The following OPCML variants were observed in gnomAD, a reference collection of about 807,000 sequenced individuals.
OPCML encodes opioid-binding protein/cell adhesion molecule.
Under a neutral mutation model 37.8 loss-of-function variants are expected in OPCML, and 13 were observed. The ratio of observed to expected loss-of-function variants is 0.34; its 90% confidence interval spans 0.22 to 0.55. The LOEUF is 0.55. Among genes scored for constraint, OPCML ranks in the 20% least tolerant of loss-of-function variants. OPCML has a pLI of 0.91. For synonymous variants in OPCML, 176 were observed against 168.8 expected (o/e 1.04, Z -0.33); for missense variants, 341 against 435.6 (o/e 0.78, Z 1.93).
intron 1 of OPCML, among the ~76,000 whole-genome samples, chr11:133,329,415 G>A (rs762659531): frequency 3.9e-5 from 6 of 152,076 alleles, no homozygotes; most frequent in East Asian, 3.9e-4. Context: ...GAGGCATCAC[G>A]CTACCTGACT....
At chr11:132,559,224 C>T (rs775097207) in intron 3 of OPCML, among the ~76,000 whole-genome samples, 3 of 151,972 alleles carry the variant, frequency 2.0e-5, no homozygotes, top group East Asian at 1.9e-4. Flanking sequence ...GCAGCATTCT[C>T]GGTCTCCCAC....
At chr11:133,241,009 C>T (rs1216738267) in intron 1 of OPCML, among the ~76,000 whole-genome samples, 1 of 152,190 alleles carries the variant, frequency 6.6e-6, no homozygotes, top group African/African-American at 2.4e-5. Flanking sequence ...ATCTTACTCG[C>T]CCTTAAAGAA....
chr11:132,790,205 T>C (rs1042266828), intron 2 of OPCML, among the ~76,000 whole-genome samples: 4 of 152,098 alleles, frequency 2.6e-5, no homozygotes, highest in African/African-American at 4.8e-5. Context: ...CATCAACAGA[T>C]GAAGAGATAA....
At chr11:132,620,375 G>T (rs1200356296) in intron 3 of OPCML, among the ~76,000 whole-genome samples, 2 of 152,194 alleles carry the variant, frequency 1.3e-5, no homozygotes, top group African/African-American at 4.8e-5. Context: ...TGGTAATATT[G>T]ATCAAGCCTA....
chr11:132,557,234 T>C (rs1331181386), intron 3 of OPCML, among the ~76,000 whole-genome samples: 1 of 152,142 alleles, frequency 6.6e-6, no homozygotes, highest in Non-Finnish European at 1.5e-5. Flanking sequence ...CAGAAACCAA[T>C]TTAGATTCTG....
chr11:132,539,033 A>G (rs2137353874), intron 3 of OPCML, among the ~76,000 whole-genome samples: 2 of 152,334 alleles, frequency 1.3e-5, no homozygotes, highest in South Asian at 4.1e-4. Flanking sequence ...ACGATGTAAT[A>G]TATTCATTGA....
At chr11:133,487,919 T>C (rs1379878097) in intron 1 of OPCML, among the ~76,000 whole-genome samples, 1 of 152,042 alleles carries the variant, frequency 6.6e-6, no homozygotes, top group Non-Finnish European at 1.5e-5. Context: ...AAAAAGATAA[T>C]GCACCATCAT....
chr11:132,654,771 G>A (rs1475202192), intron 3 of OPCML, among the ~76,000 whole-genome samples: 1 of 152,026 alleles, frequency 6.6e-6, no homozygotes, highest in Non-Finnish European at 1.5e-5. Context: ...CTCCCCAAGA[G>A]AACATCATCC....
intron 1 of OPCML, among the ~76,000 whole-genome samples, chr11:133,073,607 T>C (rs1050632881): frequency 3.3e-5 from 5 of 152,324 alleles, no homozygotes; most frequent in South Asian, 4.1e-4. Context: ...CAGCTCCATT[T>C]ACCCCTGAGT....
At chr11:132,696,323 T>C (rs1943597216) in intron 2 of OPCML, among the ~76,000 whole-genome samples, 1 of 152,182 alleles carries the variant, frequency 6.6e-6, no homozygotes, top group South Asian at 2.1e-4. Context: ...ACCCTAGCTA[T>C]GATGAAATCC....
chr11:133,051,367 A>G (rs1948127982), intron 1 of OPCML, among the ~76,000 whole-genome samples: 1 of 152,146 alleles, frequency 6.6e-6, no homozygotes. Flanking sequence ...CCCAACCGAA[A>G]AAAGGAAGAG....
At chr11:132,871,566 A>G (rs1386240611) in intron 2 of OPCML, among the ~76,000 whole-genome samples, 1 of 152,196 alleles carries the variant, frequency 6.6e-6, no homozygotes, top group Non-Finnish European at 1.5e-5. Flanking sequence ...AGGTCCTGGA[A>G]CCAATCCCCA....
At chr11:133,474,574 A>G (rs1424680708) in intron 1 of OPCML, among the ~76,000 whole-genome samples, 1 of 152,182 alleles carries the variant, frequency 6.6e-6, no homozygotes, top group Non-Finnish European at 1.5e-5. Flanking sequence ...CTGTGGAAGC[A>G]CAGAAAAGGC....
chr11:132,994,972 C>T (rs1376941416), intron 1 of OPCML, among the ~76,000 whole-genome samples: 1 of 152,150 alleles, frequency 6.6e-6, no homozygotes, highest in Non-Finnish European at 1.5e-5. Context: ...TCTAAAAGGA[C>T]GAATAACTCC....
intron 1 of OPCML, among the ~76,000 whole-genome samples, chr11:133,242,464 G>T (rs1210756383): frequency 1.3e-5 from 2 of 152,134 alleles, no homozygotes; most frequent in Non-Finnish European, 2.9e-5. Context: ...CTGAGATCCA[G>T]GTATCCATGG....
At chr11:132,997,188 C>T (rs1350528577) in intron 1 of OPCML, among the ~76,000 whole-genome samples, 2 of 152,180 alleles carry the variant, frequency 1.3e-5, no homozygotes, top group Non-Finnish European at 2.9e-5. Context: ...CACTCCTGTG[C>T]CCTCGCCCTC....
intron 1 of OPCML, among the ~76,000 whole-genome samples, chr11:133,186,583 C>G (rs991031606): frequency 6.6e-6 from 1 of 152,104 alleles, no homozygotes; most frequent in Non-Finnish European, 1.5e-5. Flanking sequence ...CTCACCTCCT[C>G]GCTATTCTCA....
chr11:132,971,659 G>A (rs1042193272), intron 1 of OPCML, among the ~76,000 whole-genome samples: 12 of 152,206 alleles, frequency 7.9e-5, no homozygotes, highest in African/African-American at 2.7e-4. Flanking sequence ...AGTAAGTGAA[G>A]TGTGAAGACA....
chr11:132,673,908 C>A (rs1180408864), intron 2 of OPCML, among the ~76,000 whole-genome samples: 1 of 152,164 alleles, frequency 6.6e-6, no homozygotes, highest in Non-Finnish European at 1.5e-5. Context: ...TCCTTCCTTC[C>A]CTTTTCTCTC....
Sources: gnomAD v4.1 joint callset for allele counts (sites outside exome capture counted in the v4.1 genomes callset) on GRCh38, gnomAD v4.1.1 for gene constraint, MANE v1.5 for transcripts, NCBI Gene and HGNC (gene_info 2026-07-23, HGNC 2026-07-21) for gene names.